Variants in GPC3 observed in about 807,000 individuals in gnomAD.
GPC3 encodes glypican 3, also known as glypican-3.
A neutral mutation model predicts 34.4 loss-of-function variants in GPC3; 3 were observed. The observed-to-expected ratio is 0.09, with a 90% CI of 0.04 to 0.23. The LOEUF (loss-of-function observed/expected upper bound fraction) is 0.23, where lower values mean the gene tolerates loss of function less well. Among genes scored for constraint, GPC3 ranks in the 10% least tolerant of loss-of-function variants. The probability of loss-of-function intolerance (pLI) is 1.00; values close to 1 mark genes in which losing one functional copy is unlikely to be tolerated. For synonymous variants in GPC3, 177 were observed against 174.0 expected, an observed-to-expected ratio of 1.02 and a Z score of -0.13; for missense variants, 351 against 445.6, an observed-to-expected ratio of 0.79 and a Z score of 1.91.
At chrX:133,811,970 AG>A (rs1467879181) in intron 2 of GPC3, among the ~76,000 whole-genome samples, 2 of 112,207 alleles carry the variant, frequency 1.8e-5, no homozygotes, top group African/African-American at 6.5e-5. Context: ...AAACCAAATA[AG>A]GAAAGGAGAT....
At chrX:133,919,302 AC>A (rs1649736723) in intron 2 of GPC3, among the ~76,000 whole-genome samples, 1 of 111,777 alleles carries the variant, frequency 8.9e-6, no homozygotes, top group African/African-American at 3.3e-5. Flanking sequence ...TTCAACTTTC[AC>A]TTGTTTTCAC....
At chrX:133,958,116 C>G (rs1278959422) in intron 1 of GPC3, among the ~76,000 whole-genome samples, 3 of 112,563 alleles carry the variant, frequency 2.7e-5, no homozygotes, top group Non-Finnish European at 5.6e-5. Flanking sequence ...TCCTGAAGAG[C>G]AGAGAATGAC....
chrX:133,760,844 A>G (rs1264553503), intron 2 of GPC3, among the ~76,000 whole-genome samples: 1 of 112,077 alleles, frequency 8.9e-6, no homozygotes, highest in Non-Finnish European at 1.9e-5. Flanking sequence ...ACTAATGCTA[A>G]TAATGTTAAT....
chrX:133,671,144 G>A (rs961406236), intron 5 of GPC3: 3 of 1,030,034 alleles, frequency 2.9e-6, no homozygotes, highest in East Asian at 6.0e-5. Flanking sequence ...CACACCAGAT[G>A]TCATCTTTGT....
intron 2 of GPC3, chrX:133,763,696 T>A: frequency 1.9e-6 from 1 of 536,290 alleles, no homozygotes; most frequent in Non-Finnish European, 3.3e-6. Flanking sequence ...TGTTCTTATA[T>A]CAGCTCTTAA....
intron 5 of GPC3, among the ~76,000 whole-genome samples, chrX:133,666,086 T>G (rs746750530): frequency 5.4e-5 from 6 of 112,021 alleles, no homozygotes; most frequent in Non-Finnish European, 9.4e-5. Flanking sequence ...TACTCCAGCT[T>G]CCAAAACCAT....
intron 7 of GPC3, among the ~76,000 whole-genome samples, chrX:133,584,034 C>T (rs754178730): frequency 1.8e-5 from 2 of 111,623 alleles, no homozygotes; most frequent in South Asian, 7.6e-4. Flanking sequence ...GTGCCTTCCC[C>T]CACTCAGCTG....
At chrX:133,966,476 C>A (rs1361795319) in intron 1 of GPC3, among the ~76,000 whole-genome samples, 1 of 112,250 alleles carries the variant, frequency 8.9e-6, no homozygotes, top group Non-Finnish European at 1.9e-5. Flanking sequence ...CTTCTCCCAG[C>A]TCTAATAGCT....
At chrX:133,628,992 T>C (rs748285624) in intron 6 of GPC3, among the ~76,000 whole-genome samples, 11 of 112,176 alleles carry the variant, frequency 9.8e-5, no homozygotes, top group Non-Finnish European at 1.9e-4. Flanking sequence ...TAAAACAAAA[T>C]GTTACATTAC....
At chrX:133,748,434 G>A (rs1230395075) in intron 3 of GPC3, among the ~76,000 whole-genome samples, 1 of 110,989 alleles carries the variant, frequency 9.0e-6, no homozygotes, top group Non-Finnish European at 1.9e-5. Context: ...TCTCACTTGG[G>A]GCCAAGATAT....
At chrX:133,717,187 C>G (rs919930600) in intron 3 of GPC3, among the ~76,000 whole-genome samples, 1 of 110,207 alleles carries the variant, frequency 9.1e-6, no homozygotes, top group African/African-American at 3.3e-5. Flanking sequence ...GTCTCAAACT[C>G]GTGGCATCAA....
intron 1 of GPC3, among the ~76,000 whole-genome samples, chrX:133,958,488 T>C (rs1032704898): frequency 4.0e-5 from 4 of 99,963 alleles, no homozygotes; most frequent in Non-Finnish European, 8.0e-5. Flanking sequence ...GAGGCTATAG[T>C]GAGCCATGAT....
intron 1 of GPC3, among the ~76,000 whole-genome samples, chrX:133,959,468 G>A (rs144859776): frequency 0.028 from 3,116 of 111,982 alleles, 41 homozygotes; most frequent in East Asian, 0.1. Flanking sequence ...TGGCTTCGAG[G>A]TCAGTATCAT....
intron 2 of GPC3, among the ~76,000 whole-genome samples, chrX:133,940,622 C>T (rs1297669351): frequency 8.9e-6 from 1 of 111,929 alleles, no homozygotes; most frequent in African/African-American, 3.2e-5. Flanking sequence ...TCTAACCTCA[C>T]CAACCTTCCA....
At chrX:133,829,963 C>A (rs1464426642) in intron 2 of GPC3, among the ~76,000 whole-genome samples, 1 of 112,188 alleles carries the variant, frequency 8.9e-6, no homozygotes, top group East Asian at 2.8e-4. Context: ...CACAACTGAT[C>A]TAATTAACAC....
intron 3 of GPC3, among the ~76,000 whole-genome samples, chrX:133,712,826 G>A (rs370396992): frequency 1.2e-4 from 13 of 109,984 alleles, no homozygotes; most frequent in Admixed American, 6.8e-4. Flanking sequence ...TGGAGGTTGC[G>A]GTGAGCCGAG....
intron 6 of GPC3, among the ~76,000 whole-genome samples, chrX:133,622,685 G>A (rs375486905): frequency 9.8e-5 from 11 of 111,919 alleles, no homozygotes; most frequent in East Asian, 8.5e-4. Context: ...CCAAATCTAC[G>A]TCTGACTGGT....
At chrX:133,935,112 G>A (rs1048249947) in intron 2 of GPC3, among the ~76,000 whole-genome samples, 3 of 111,777 alleles carry the variant, frequency 2.7e-5, no homozygotes, top group African/African-American at 9.8e-5. Flanking sequence ...TCCTACTAGT[G>A]ACCATGTTAC....
intron 2 of GPC3, among the ~76,000 whole-genome samples, chrX:133,791,837 CT>C (rs758590082): frequency 2.3e-4 from 22 of 95,542 alleles, no homozygotes; most frequent in African/African-American, 7.9e-4. Flanking sequence ...TCCTTCCTTC[CT>C]TCCTTCCTTC....
Sources: allele counts gnomAD v4.1 joint callset (sites outside exome capture counted in the v4.1 genomes callset), GRCh38; gene constraint gnomAD v4.1.1; transcripts MANE v1.5; gene names NCBI Gene and HGNC (gene_info 2026-07-23, HGNC 2026-07-21).